The following CNGA1 variants were observed in gnomAD, a reference collection of about 807,000 sequenced individuals.
CNGA1 encodes the protein cyclic nucleotide-gated channel alpha-1.
CNGA1 carries 53 observed loss-of-function variants against 69.7 expected under a neutral mutation model. The observed-to-expected ratio is 0.76, with a 90% CI of 0.61 to 0.96. The LOEUF (loss-of-function observed/expected upper bound fraction) is 0.96. Among genes scored for constraint, CNGA1 ranks in the 40% least tolerant of loss-of-function variants. The pLI is 0.00. For synonymous variants in CNGA1, 249 were observed against 283.5 expected (o/e 0.88, Z 1.22); for missense variants, 739 against 811.2 (o/e 0.91, Z 1.08).
chr4:48,008,859 C>T (rs1837518), intron 2 of CNGA1, among the ~76,000 whole-genome samples: 22,563 of 152,178 alleles, frequency 0.15, 1,905 homozygotes, highest in East Asian at 0.34. Flanking sequence ...CCCAAACAAA[C>T]TTCCTTGCTG....
Position 47,937,355 on chromosome 4 carries a change from A to G in CNGA1, c.1127T>C (p.Val376Ala), listed in dbSNP as rs1474465510. 6.2e-7 allele frequency: 1 copy of G among 1,614,030 alleles called. No individual in the cohort carries two copies. Among genetic ancestry groups the G allele is most frequent in the African/African-American group, 1.3e-5 (1 of 74,940 alleles). ...VRDSEYVFVV[V>A]DFLIGVLIFA... The stretch of plus-strand genomic sequence containing the variant: ...AATTAACACTCCAATTAGGAAATCA[A>G]CCACCACAAAGACATACTCAGAATC... Residue 376 changes from valine (V) to alanine (A), a missense_variant, in exon 11 of 11, where the codon GTT (valine) becomes GCT (alanine). Coordinates refer to ENST00000514170, the MANE Select transcript of CNGA1 (RefSeq NM_001379270.1).
At chr4:47,944,811 A>G (rs1739297326) in intron 6 of CNGA1, among the ~76,000 whole-genome samples, 2 of 152,158 alleles carry the variant, frequency 1.3e-5, no homozygotes, top group Admixed American at 1.3e-4. Context: ...GGATAATAGG[A>G]TCTAGAAATA....
At chr4:47,983,000 C>T (rs557784274) in intron 2 of CNGA1, among the ~76,000 whole-genome samples, 5 of 152,170 alleles carry the variant, frequency 3.3e-5, no homozygotes, top group South Asian at 4.1e-4. Context: ...GATGGGGTTT[C>T]GCCATGTTGG....
intron 3 of CNGA1, among the ~76,000 whole-genome samples, chr4:47,955,017 A>G (rs1476848628): frequency 7.0e-6 from 1 of 143,322 alleles, no homozygotes; most frequent in Admixed American, 6.9e-5. Context: ...TCTGATAGTT[A>G]AGTGCTCACG....
intron 2 of CNGA1, among the ~76,000 whole-genome samples, chr4:48,001,036 G>T (rs1045525587): frequency 2.0e-5 from 3 of 151,900 alleles, no homozygotes; most frequent in Admixed American, 6.6e-5. Context: ...AGACTAAAAG[G>T]CTAATTAAAA....
chr4:48,009,932 C>G (rs368354836), intron 2 of CNGA1, among the ~76,000 whole-genome samples: 3 of 152,220 alleles, frequency 2.0e-5, no homozygotes, highest in African/African-American at 7.2e-5. Flanking sequence ...AGTAGTGAAA[C>G]ATTATGTACT....
At chr4:48,009,808 A>G (rs9992938) in intron 2 of CNGA1, among the ~76,000 whole-genome samples, 3,669 of 152,298 alleles carry the variant, frequency 0.024, 147 homozygotes, top group African/African-American at 0.083. Flanking sequence ...CCATCTCAAA[A>G]AAAGAAAAAG....
At chr4:47,965,819 T>C (rs1210415622) in intron 3 of CNGA1, among the ~76,000 whole-genome samples, 1 of 152,200 alleles carries the variant, frequency 6.6e-6, no homozygotes, top group Non-Finnish European at 1.5e-5. Context: ...AAAATTACTC[T>C]GTAGTTTGAG....
chr4:47,940,238 T>C (rs1560619607), intron 10 of CNGA1, among the ~76,000 whole-genome samples: 1 of 152,238 alleles, frequency 6.6e-6, no homozygotes, highest in Non-Finnish European at 1.5e-5. Flanking sequence ...TGTATAATGG[T>C]TACATTTGCA....
chr4:47,985,962 TAA>T (rs1299369804), intron 2 of CNGA1, among the ~76,000 whole-genome samples: 1 of 152,208 alleles, frequency 6.6e-6, no homozygotes, highest in African/African-American at 2.4e-5. Context: ...TGTCAGTATA[TAA>T]AGAGGACACT....
At chr4:47,950,044 A>C in intron 5 of CNGA1, 149 bp from the exon 6 acceptor site, 1 of 707,216 alleles carries the variant, frequency 1.4e-6, no homozygotes, top group Non-Finnish European at 2.5e-6. Flanking sequence ...AAAACATATT[A>C]TGAAGCATAA....
chr4:47,970,462 C>T (rs762264938), intron 3 of CNGA1, among the ~76,000 whole-genome samples: 1 of 152,052 alleles, frequency 6.6e-6, no homozygotes, highest in South Asian at 2.1e-4. Flanking sequence ...GCCAGCCTGA[C>T]CAACATGGTG....
At chr4:47,971,070 A>G in intron 3 of CNGA1, 2 of 454,666 alleles carry the variant, frequency 4.4e-6, no homozygotes. Context: ...GCGCCACTGC[A>G]CTCCAGCCTG....
intron 3 of CNGA1, among the ~76,000 whole-genome samples, chr4:47,956,537 A>G (rs891584555): frequency 5.9e-5 from 9 of 152,192 alleles, no homozygotes; most frequent in Admixed American, 3.9e-4. Flanking sequence ...CAGCCCTTCT[A>G]ATGACTCTTT....
chr4:47,996,917 T>C (rs73244465), intron 2 of CNGA1, among the ~76,000 whole-genome samples: 17,219 of 151,892 alleles, frequency 0.11, 1,572 homozygotes, highest in East Asian at 0.32. Flanking sequence ...AAAAATTAGC[T>C]GGGCTTGGCA....
chr4:47,990,835 C>T (rs1470529799), intron 2 of CNGA1, among the ~76,000 whole-genome samples: 1 of 152,166 alleles, frequency 6.6e-6, no homozygotes, highest in African/African-American at 2.4e-5. Context: ...TCCCCCAAAA[C>T]ATTCTTATGC....
chr4:47,951,214 G>T, intron 5 of CNGA1, 139 bp downstream of exon 5: 1 of 662,394 alleles, frequency 1.5e-6, no homozygotes, highest in Non-Finnish European at 2.8e-6. Context: ...TTGATTATTG[G>T]AACGCTAAGC....
At chr4:47,974,519 T>G (rs73244456) in intron 3 of CNGA1, among the ~76,000 whole-genome samples, 11,926 of 151,686 alleles carry the variant, frequency 0.079, 643 homozygotes, top group Non-Finnish European at 0.11. Flanking sequence ...TCAGCACCTT[T>G]GCTTTAAAAT....
At chr4:47,942,688 C>T (rs995685210) in intron 8 of CNGA1, among the ~76,000 whole-genome samples, 2 of 152,242 alleles carry the variant, frequency 1.3e-5, no homozygotes, top group African/African-American at 2.4e-5. Flanking sequence ...TGCCTGAGCT[C>T]GGCCTCCTGT....
Sources: gnomAD v4.1 joint callset for allele counts (sites outside exome capture counted in the v4.1 genomes callset) on GRCh38, gnomAD v4.1.1 for gene constraint, MANE v1.5 for transcripts, NCBI Gene and HGNC (gene_info 2026-07-23, HGNC 2026-07-21) for gene names.